The following PPP2R2D variants were observed in gnomAD, a reference collection of about 807,000 sequenced individuals.
PPP2R2D encodes the protein protein phosphatase 2 regulatory subunit Bdelta, also known as serine/threonine-protein phosphatase 2A 55 kDa regulatory subunit B delta isoform.
PPP2R2D carries 9 observed loss-of-function variants against 31.1 expected under a neutral mutation model. That is an observed-to-expected ratio of 0.29 (90% CI 0.17 to 0.51). The LOEUF is 0.51. Ranked by LOEUF, PPP2R2D falls within the 20% of genes least tolerant of loss-of-function variation. The pLI, the probability that PPP2R2D is intolerant of heterozygous loss-of-function variation, is 0.98. For missense variants in PPP2R2D, 391 were observed against 465.6 expected (o/e 0.84, Z 1.48); for synonymous variants, 179 against 172.6 (o/e 1.04, Z -0.29).
At chr10:131,964,334 T>G (rs111287115), downstream of PPP2R2D, among the ~76,000 whole-genome samples, 134 of 152,284 alleles carry the variant, frequency 8.8e-4, no homozygotes, top group East Asian at 9.8e-3. Flanking sequence ...TTGTGTTTTT[T>G]TTTTGTTTTG....
intron 2 of PPP2R2D, among the ~76,000 whole-genome samples, chr10:131,922,593 C>T (rs1361077247): frequency 6.6e-6 from 1 of 151,900 alleles, no homozygotes; most frequent in African/African-American, 2.4e-5. Context: ...GCTGGGATTA[C>T]AGGTGCACAC....
chr10:131,937,969 C>T (rs2036373273), intron 3 of PPP2R2D, among the ~76,000 whole-genome samples: 2 of 152,120 alleles, frequency 1.3e-5, no homozygotes, highest in African/African-American at 4.8e-5. Flanking sequence ...TGAAGGAATG[C>T]AGGAATGCCC....
At chr10:131,912,938 A>G (rs2035707527) in intron 2 of PPP2R2D, among the ~76,000 whole-genome samples, 1 of 152,114 alleles carries the variant, frequency 6.6e-6, no homozygotes. Context: ...TCTTGTTTCT[A>G]TTCTTTGAAT....
chr10:131,914,980 C>G (rs2035752074), intron 2 of PPP2R2D, among the ~76,000 whole-genome samples: 1 of 152,078 alleles, frequency 6.6e-6, no homozygotes, highest in Non-Finnish European at 1.5e-5. Context: ...CCGTGCACCC[C>G]TAATAGTGAC....
intron 6 of PPP2R2D, among the ~76,000 whole-genome samples, chr10:131,944,456 T>TC (rs2036499031): frequency 6.6e-6 from 1 of 152,116 alleles, no homozygotes; most frequent in Non-Finnish European, 1.5e-5. Flanking sequence ...TTTTTTTTTT[T>TC]CTAAATTTGC....
chr10:131,906,286 C>T (rs1325169107), intron 2 of PPP2R2D, among the ~76,000 whole-genome samples: 1 of 152,196 alleles, frequency 6.6e-6, no homozygotes, highest in Non-Finnish European at 1.5e-5. Context: ...AGCTTGATAA[C>T]AGCTGGTTCC....
chr10:131,946,911 A>G (rs2036552654), intron 7 of PPP2R2D, among the ~76,000 whole-genome samples: 4 of 151,752 alleles, frequency 2.6e-5, no homozygotes, highest in Admixed American at 2.6e-4. Context: ...AGTATTGGAG[A>G]CAAACCTTGG....
chr10:131,936,227 A>G (rs958707956), intron 3 of PPP2R2D, among the ~76,000 whole-genome samples: 3 of 151,532 alleles, frequency 2.0e-5, no homozygotes, highest in African/African-American at 7.3e-5. Context: ...GGCTCACTGC[A>G]ACCTCTGTCT....
At chr10:131,968,639 G>C in the PPP2R2D span, 1 of 1,408,994 alleles carries the variant, frequency 7.1e-7, no homozygotes, top group Non-Finnish European at 1.0e-6. Flanking sequence ...AGCTGAAACA[G>C]GGTAGCTCAC....
At position 131,940,566 on chromosome 10, in the gene PPP2R2D, AG is replaced by A. The variant is rs781916390; in HGVS notation, c.365-14del. 12 of 733,814 alleles carry A rather than the reference AG, an allele frequency of 1.6e-5. No individual in the cohort carries two copies. In the Admixed American group the frequency reaches 2.3e-4, roughly 14 times the overall value. The allele number at this position is 733,814 out of a possible 1,614,324, so 45.5% of individuals were successfully genotyped here. ...AGTTTTTCTTTTCATATGGAGAATG[AG>A]GTTTTTATTTTCAGATAAAACTATA... is the stretch of plus-strand genomic sequence containing the variant. On this transcript the variant is annotated splice_polypyrimidine_tract_variant and intron_variant, in intron 4 of 8. Coordinates refer to ENST00000455566, the MANE Select transcript of PPP2R2D (RefSeq NM_018461.5).
At chr10:131,930,659 C>T (rs1251607544) in intron 2 of PPP2R2D, among the ~76,000 whole-genome samples, 5 of 152,232 alleles carry the variant, frequency 3.3e-5, no homozygotes, top group East Asian at 1.9e-4. Flanking sequence ...CCTTCCTCTC[C>T]GCATGTGACC....
At chr10:131,952,534 T>TA (rs2036675850) in intron 8 of PPP2R2D, among the ~76,000 whole-genome samples, 3 of 46,806 alleles carry the variant, frequency 6.4e-5, no homozygotes, top group African/African-American at 2.6e-4. Context: ...GGTGGTTCAC[T>TA]GTCTTAGTGA....
Position 131,919,191 on chromosome 10 carries a change from G to A in PPP2R2D, c.101-15267G>A, listed in dbSNP as rs370363025. On this transcript the variant is annotated intron_variant, in intron 2 of 8. Coordinates refer to ENST00000455566, the MANE Select transcript of PPP2R2D (RefSeq NM_018461.5). ...TGGGTGGAATGACACAGTGCTTGTA[G>A]CGACCTCAGGCGGGCGGAATGACAC... is the stretch of plus-strand genomic sequence containing the variant. Among the ~76,000 whole-genome samples, 10 of 126,692 alleles carry A rather than the reference G, an allele frequency of 7.9e-5. 3 individuals are homozygous for A. In the East Asian group the frequency reaches 2.1e-3, roughly 27 times the overall value. The allele number at this position is 126,692 out of a possible 152,430, so 83.1% of individuals were successfully genotyped here. A position where few individuals can be genotyped will look rare whatever the true frequency, so the allele number is the denominator to read the frequency against.
chr10:131,965,571 C>G, the PPP2R2D span, among the ~76,000 whole-genome samples: 3 of 152,194 alleles, frequency 2.0e-5, no homozygotes, highest in Admixed American at 1.3e-4. Context: ...CTCAGCCTCC[C>G]AAGTAGCTGG....
At chr10:131,946,593 T>G (rs985663252) in intron 7 of PPP2R2D, among the ~76,000 whole-genome samples, 4 of 152,230 alleles carry the variant, frequency 2.6e-5, no homozygotes, top group African/African-American at 9.6e-5. Context: ...TTGGCCTGTA[T>G]CTTAAGCATA....
chr10:131,922,227 G>A (rs1345104828), intron 2 of PPP2R2D, among the ~76,000 whole-genome samples: 7 of 152,124 alleles, frequency 4.6e-5, no homozygotes, highest in Admixed American at 2.6e-4. Flanking sequence ...TGTCATTTAC[G>A]TATGTCTATG....
At chr10:131,965,499 G>C in the PPP2R2D span, among the ~76,000 whole-genome samples, 1 of 152,172 alleles carries the variant, frequency 6.6e-6, no homozygotes. Context: ...GCCCAGGCTG[G>C]AGTGCAGTGG....
At chr10:131,908,498 T>C (rs933194806) in intron 2 of PPP2R2D, among the ~76,000 whole-genome samples, 4 of 152,212 alleles carry the variant, frequency 2.6e-5, no homozygotes, top group Non-Finnish European at 5.9e-5. Context: ...ATCACATGTA[T>C]TATTAGGCTC....
chr10:131,937,008 G>A (rs1295094382), intron 3 of PPP2R2D, among the ~76,000 whole-genome samples: 1 of 152,246 alleles, frequency 6.6e-6, no homozygotes, highest in Non-Finnish European at 1.5e-5. Flanking sequence ...CGCCAAGAGG[G>A]TGAAGCTGCT....
Sources: allele counts gnomAD v4.1 joint callset (sites outside exome capture counted in the v4.1 genomes callset), GRCh38; gene constraint gnomAD v4.1.1; transcripts MANE v1.5; gene names NCBI Gene and HGNC (gene_info 2026-07-23, HGNC 2026-07-21).